The following CLECL1 variants were observed in gnomAD, a reference collection of about 807,000 sequenced individuals.
CLECL1 encodes the protein C-type lectin-like domain family 1.
At chr12:9,724,480 A>G (rs1000933531) in intron 3 of CLECL1, among the ~76,000 whole-genome samples, 1 of 152,208 alleles carries the variant, frequency 6.6e-6, no homozygotes, top group African/African-American at 2.4e-5. Flanking sequence ...ATGCTTTCAA[A>G]CGATGAAAAA....
downstream of CLECL1, among the ~76,000 whole-genome samples, chr12:9,719,610 C>T (rs1035292832): frequency 3.3e-5 from 5 of 152,060 alleles, no homozygotes; most frequent in East Asian, 7.7e-4. Context: ...ATAAGCAGAG[C>T]GTGGTGGTGC....
the CLECL1 span, among the ~76,000 whole-genome samples, chr12:9,710,753 C>T: frequency 1.1e-4 from 16 of 152,210 alleles, no homozygotes. Flanking sequence ...CACCAGCATG[C>T]TGGTAGGCCA....
At chr12:9,720,345 T>C (rs1866294122), downstream of CLECL1, among the ~76,000 whole-genome samples, 1 of 151,376 alleles carries the variant, frequency 6.6e-6, no homozygotes, top group Non-Finnish European at 1.5e-5. Flanking sequence ...CTCTGTATTT[T>C]TTTTTTTTTT....
chr12:9,730,522 T>A (rs1032085562), intron 1 of CLECL1, among the ~76,000 whole-genome samples: 8 of 152,214 alleles, frequency 5.3e-5, no homozygotes, highest in African/African-American at 1.9e-4. Context: ...GTGCTGATTA[T>A]TATTGCTATT....
chr12:9,705,991 T>G, the CLECL1 span, among the ~76,000 whole-genome samples: 22 of 152,358 alleles, frequency 1.4e-4, no homozygotes, highest in Non-Finnish European at 7.4e-5. Flanking sequence ...AGATCTTGAT[T>G]CTTCCTATGC....
downstream of CLECL1, chr12:9,722,633 T>C (rs1565481604): frequency 3.1e-6 from 5 of 1,607,986 alleles, no homozygotes; most frequent in Middle Eastern, 1.7e-4. Flanking sequence ...CCTCTAAATG[T>C]TAAATCTCAC....
At chr12:9,704,442 A>G in the CLECL1 span, among the ~76,000 whole-genome samples, 1 of 152,196 alleles carries the variant, frequency 6.6e-6, no homozygotes, top group Non-Finnish European at 1.5e-5. Context: ...ATACATGTGC[A>G]GGATTTGTAG....
chr12:9,718,395 A>C (rs1166479334), downstream of CLECL1, among the ~76,000 whole-genome samples: 1 of 151,348 alleles, frequency 6.6e-6, no homozygotes, highest in Middle Eastern at 3.2e-3. Flanking sequence ...TTAGTTACTT[A>C]AAGAGGTGTT....
intron 2 of CLECL1, among the ~76,000 whole-genome samples, chr12:9,728,302 T>C (rs1866405213): frequency 6.6e-6 from 1 of 151,874 alleles, no homozygotes. Flanking sequence ...AAATATTTAA[T>C]AGTGCTTGTC....
chr12:9,709,119 T>A, the CLECL1 span: 1 of 156,714 alleles, frequency 6.4e-6, no homozygotes, highest in Non-Finnish European at 1.4e-5. Flanking sequence ...TGAGGCCACA[T>A]ATATGCAGGC....
At chr12:9,733,364 G>T, upstream of CLECL1, 2 of 787,872 alleles carry the variant, frequency 2.5e-6, no homozygotes, top group South Asian at 1.8e-5. Context: ...TTCTCCTATA[G>T]ACCACTTCCT....
At chr12:9,733,619 T>C (rs1275469451), upstream of CLECL1, among the ~76,000 whole-genome samples, 1 of 152,070 alleles carries the variant, frequency 6.6e-6, no homozygotes, top group Non-Finnish European at 1.5e-5. Flanking sequence ...TAAACTGAGG[T>C]AAAACATGAA....
At chr12:9,721,354 G>A (rs767061345), downstream of CLECL1, among the ~76,000 whole-genome samples, 3 of 152,100 alleles carry the variant, frequency 2.0e-5, no homozygotes, top group Non-Finnish European at 4.4e-5. Flanking sequence ...TTTGGGAGAT[G>A]TTTAGAAAGG....
exon 3 of CLECL1, among the ~76,000 whole-genome samples, chr12:9,727,600 G>A (rs1866395226): frequency 6.6e-6 from 1 of 151,838 alleles, no homozygotes; most frequent in East Asian, 1.9e-4. Context: ...ATTTTCCCCA[G>A]TACAGTTTTT....
downstream of CLECL1, among the ~76,000 whole-genome samples, chr12:9,715,332 C>T (rs1866226481): frequency 6.6e-6 from 1 of 152,188 alleles, no homozygotes; most frequent in African/African-American, 2.4e-5. Context: ...CCCTTTTCTT[C>T]TGTTCTAGCT....
chr12:9,710,741 G>T, the CLECL1 span, among the ~76,000 whole-genome samples: 1 of 152,220 alleles, frequency 6.6e-6, no homozygotes, highest in African/African-American at 2.4e-5. Context: ...CACACTGACA[G>T]GCACCAGCAT....
the CLECL1 span, among the ~76,000 whole-genome samples, chr12:9,705,912 A>G: frequency 6.6e-6 from 1 of 152,038 alleles, no homozygotes; most frequent in South Asian, 2.1e-4. Context: ...ATTTTATTCC[A>G]TATAAATTTT....
chr12:9,704,775 T>TG, the CLECL1 span, among the ~76,000 whole-genome samples: 1 of 152,220 alleles, frequency 6.6e-6, no homozygotes, highest in Admixed American at 6.5e-5. Context: ...TATTCCATGG[T>TG]GTATATGTAC....
At chr12:9,720,171 A>C (rs1866291760), downstream of CLECL1, among the ~76,000 whole-genome samples, 1 of 152,030 alleles carries the variant, frequency 6.6e-6, no homozygotes, top group South Asian at 2.1e-4. Context: ...TTACAGGAGC[A>C]GATTTTGTGT....
Sources: allele counts gnomAD v4.1 joint callset (sites outside exome capture counted in the v4.1 genomes callset), GRCh38; gene constraint gnomAD v4.1.1; transcripts MANE v1.5; gene names NCBI Gene and HGNC (gene_info 2026-07-23, HGNC 2026-07-21).